CFAP47: variants seen among roughly 807,000 people sequenced by gnomAD.
The protein encoded by CFAP47 is cilia and flagella associated protein 47, also known as cilia- and flagella-associated protein 47.
Under a neutral mutation model 148.1 loss-of-function variants are expected in CFAP47, and 29 were observed. The ratio of observed to expected loss-of-function variants is 0.20; its 90% CI spans 0.15 to 0.27. CFAP47 has a LOEUF of 0.27. CFAP47 is among the 10% of genes least tolerant of loss of function. The pLI is 1.00. For missense variants in CFAP47, 1,872 were observed against 1,697.5 expected (o/e 1.10, Z -1.81); for synonymous variants, 664 against 577.3 (o/e 1.15, Z -2.15).
intron 3 of CFAP47, among the ~76,000 whole-genome samples, chrX:35,947,120 A>G (rs1169529407): frequency 8.0e-5 from 9 of 111,929 alleles, no homozygotes; most frequent in Non-Finnish European, 1.5e-4. Flanking sequence ...GTGGTCAGAA[A>G]TATCCAAGTG....
At chrX:36,217,238 A>G (rs1555990254) in intron 45 of CFAP47, among the ~76,000 whole-genome samples, 1 of 111,569 alleles carries the variant, frequency 9.0e-6, no homozygotes, top group Admixed American at 9.6e-5. Flanking sequence ...CTGTCCCAGC[A>G]CTCAGGCATA....
chrX:36,363,509 T>C (rs1941846155), intron 61 of CFAP47, among the ~76,000 whole-genome samples: 2 of 111,730 alleles, frequency 1.8e-5, no homozygotes, highest in Non-Finnish European at 3.8e-5. Context: ...CAGTTCATCA[T>C]TGACCAAAAT....
At chrX:36,329,908 A>G (rs1556013751) in intron 57 of CFAP47, among the ~76,000 whole-genome samples, 1 of 112,151 alleles carries the variant, frequency 8.9e-6, no homozygotes, top group Non-Finnish European at 1.9e-5. Flanking sequence ...AAGTAGCAAT[A>G]GCACAGATAA....
intron 61 of CFAP47, among the ~76,000 whole-genome samples, chrX:36,363,755 C>G (rs967472806): frequency 1.1e-4 from 12 of 111,671 alleles, no homozygotes; most frequent in Non-Finnish European, 1.9e-4. Context: ...TGACATTCAT[C>G]TTTTCACAGA....
intron 26 of CFAP47, among the ~76,000 whole-genome samples, chrX:36,061,605 G>A (rs1937594395): frequency 8.9e-6 from 1 of 112,485 alleles, no homozygotes; most frequent in Non-Finnish European, 1.9e-5. Context: ...TTTTGTGCAT[G>A]TGAGTAAAGT....
chrX:35,981,009 AACAAAAT>A (rs1304057487), intron 15 of CFAP47, among the ~76,000 whole-genome samples: 3 of 110,641 alleles, frequency 2.7e-5, no homozygotes, highest in Non-Finnish European at 5.7e-5. Flanking sequence ...GCTTATTTAA[AACAAAAT>A]TACATAAAGA....
chrX:36,205,159 A>G (rs1466530456), intron 45 of CFAP47, 49 bp downstream of exon 45: 1 of 292,956 alleles, frequency 3.4e-6, no homozygotes, highest in Non-Finnish European at 6.0e-6. Context: ...GGGAATGATG[A>G]TGTATTCACT....
At chrX:36,084,531 A>G (rs1453182227) in intron 29 of CFAP47, among the ~76,000 whole-genome samples, 1 of 111,781 alleles carries the variant, frequency 8.9e-6, no homozygotes, top group Non-Finnish European at 1.9e-5. Context: ...GGTAACTGCC[A>G]TTCAAAATGG....
At chrX:36,010,674 G>T (rs1018056266) in intron 21 of CFAP47, among the ~76,000 whole-genome samples, 1 of 110,814 alleles carries the variant, frequency 9.0e-6, no homozygotes, top group Non-Finnish European at 1.9e-5. Flanking sequence ...TAACCAGGAT[G>T]GTCTCGATCT....
rs1308947102 is a variant in CFAP47, at chrX:35,926,080, G to A, written c.313G>A (p.Val105Met). ...LASGLQMTAMVEYHPDKDEDT... is the reference protein window; with the variant it reads ...LASGLQMTAMMEYHPDKDEDT... ...TTCTGGCCTTCAGATGACAGCTATG[G>A]TGGAATATCATCCTGATAAAGACGA... The change falls in exon 2 of 64, where the codon GTG becomes ATG. Residue 105 changes from valine to methionine, a missense_variant. Transcript: ENST00000378653. 8 of 1,202,361 alleles carry A rather than the reference G, an allele frequency of 6.7e-6. No homozygotes were observed. In the South Asian group the frequency reaches 1.2e-4, roughly 19 times the overall value.
intron 59 of CFAP47, among the ~76,000 whole-genome samples, chrX:36,352,500 T>C (rs1941750752): frequency 9.0e-6 from 1 of 111,137 alleles, no homozygotes; most frequent in Non-Finnish European, 1.9e-5. Flanking sequence ...AATTTTGTAG[T>C]TTGTGTGAAT....
intron 30 of CFAP47, among the ~76,000 whole-genome samples, chrX:36,096,268 CAT>C (rs1232369393): frequency 5.4e-5 from 6 of 111,497 alleles, no homozygotes; most frequent in Non-Finnish European, 1.1e-4. Context: ...TGTGACCTAA[CAT>C]GTGGTCTGTC....
intron 44 of CFAP47, among the ~76,000 whole-genome samples, chrX:36,202,900 A>T (rs1282008120): frequency 9.0e-6 from 1 of 110,686 alleles, no homozygotes; most frequent in African/African-American, 3.3e-5. Flanking sequence ...AAGAGAAAGA[A>T]AAAAAGCTAT....
chrX:36,114,013 C>T (rs760733952), intron 33 of CFAP47, among the ~76,000 whole-genome samples: 2 of 109,602 alleles, frequency 1.8e-5, no homozygotes, highest in South Asian at 7.9e-4. Flanking sequence ...AGTTTCACCG[C>T]ATTAGCCAGG....
intron 34 of CFAP47, 39 bp downstream of exon 34, chrX:36,138,094 T>A: frequency 1.6e-6 from 1 of 619,220 alleles, no homozygotes; most frequent in Admixed American, 3.0e-5. Context: ...TTCTATTATT[T>A]AAAAAAACTT....
chrX:36,127,800 G>A (rs1382224993), intron 33 of CFAP47, among the ~76,000 whole-genome samples: 2 of 110,934 alleles, frequency 1.8e-5, no homozygotes, highest in Non-Finnish European at 3.8e-5. Flanking sequence ...CCTTGAAGAG[G>A]TCCTTCACAT....
At chrX:36,375,684 G>A (rs1176231552) in intron 62 of CFAP47, among the ~76,000 whole-genome samples, 1 of 112,451 alleles carries the variant, frequency 8.9e-6, no homozygotes, top group Non-Finnish European at 1.9e-5. Flanking sequence ...TTGCTAAGAA[G>A]TTTGCTCATT....
intron 2 of CFAP47, among the ~76,000 whole-genome samples, chrX:35,929,528 C>T (rs928568123): frequency 5.4e-5 from 6 of 111,702 alleles, no homozygotes; most frequent in African/African-American, 2.0e-4. Flanking sequence ...GCTGAACTCC[C>T]TTTTTAGGAG....
intron 30 of CFAP47, among the ~76,000 whole-genome samples, chrX:36,097,113 A>G (rs765365588): frequency 6.3e-5 from 7 of 111,892 alleles, no homozygotes; most frequent in African/African-American, 2.3e-4. Flanking sequence ...AAAAGAAACA[A>G]GCGAAAAGAA....
Sources: gnomAD v4.1 joint callset for allele counts (sites outside exome capture counted in the v4.1 genomes callset) on GRCh38, gnomAD v4.1.1 for gene constraint, MANE v1.5 for transcripts, NCBI Gene and HGNC (gene_info 2026-07-23, HGNC 2026-07-21) for gene names.